The following PKD1L1 variants were observed in gnomAD, a reference collection of about 807,000 sequenced individuals.
The protein encoded by PKD1L1 is polycystin-1-like protein 1.
PKD1L1 carries 236 observed loss-of-function variants against 323.4 expected under a neutral mutation model. That is an observed-to-expected ratio of 0.73 (90% confidence interval 0.66 to 0.81). The LOEUF (loss-of-function observed/expected upper bound fraction) is 0.81, where lower values mean the gene tolerates loss of function less well. PKD1L1 is among the 40% of genes least tolerant of loss of function. The pLI, the probability that PKD1L1 is intolerant of heterozygous loss-of-function variation, is 0.00. For synonymous variants in PKD1L1, 1,344 were observed against 1,335.0 expected (o/e 1.01, Z -0.15); for missense variants, 3,320 against 3,508.0 (o/e 0.95, Z 1.35).
chr7:47,800,711 G>A lies in PKD1L1; in HGVS notation c.8131C>T (p.Arg2711Trp), dbSNP rs145005848. The A allele has an allele frequency of 1.2e-4, 188 of 1,614,174 alleles. No individual in the cohort carries two copies. In the African/African-American group the frequency reaches 1.4e-3, roughly 12 times the overall value. Residue 2711 changes from arginine to tryptophan, a missense_variant, in exon 54 of 57, where the codon CGG becomes TGG. By Grantham distance (101) the Arg-to-Trp change is moderately radical (BLOSUM62 -3). Transcript: ENST00000289672. ...ATCCCAAAGTAACAAGCCATGGCCC[G>A]CTGGTCAGACTTGGAAAGGCCAAGG... ...CLLGLSKSDQ[R>W]AMACYFGILL...
At chr7:47,795,462 C>A in intron 55 of PKD1L1, 1 of 424,396 alleles carries the variant, frequency 2.4e-6, no homozygotes, top group Non-Finnish European at 4.7e-6. Context: ...AATTAAACTT[C>A]TTTTTGTTCC....
At chr7:47,863,788 C>T (rs539390605) in intron 26 of PKD1L1, among the ~76,000 whole-genome samples, 2 of 151,990 alleles carry the variant, frequency 1.3e-5, no homozygotes, top group South Asian at 4.2e-4. Flanking sequence ...CTCAGAAGGC[C>T]GAGGTGGGAG....
chr7:47,905,748 G>A (rs1787189521), intron 10 of PKD1L1, 95 bp downstream of exon 10: 4 of 1,522,778 alleles, frequency 2.6e-6, no homozygotes, highest in African/African-American at 1.4e-5. Flanking sequence ...CAGCAGAGCC[G>A]ATAACAAAAC....
intron 26 of PKD1L1, among the ~76,000 whole-genome samples, chr7:47,862,535 GT>G (rs1393828319): frequency 1.3e-5 from 2 of 152,222 alleles, no homozygotes; most frequent in African/African-American, 4.8e-5. Context: ...CGACATTCCA[GT>G]GGGGGAAGAG....
chr7:47,832,176 G>T (rs1413523081), intron 41 of PKD1L1, among the ~76,000 whole-genome samples: 1 of 152,226 alleles, frequency 6.6e-6, no homozygotes, highest in African/African-American at 2.4e-5. Context: ...ATCAAAGAAT[G>T]TGAGCTGTGG....
chr7:47,801,813 G>C (rs1784668557), intron 53 of PKD1L1, among the ~76,000 whole-genome samples: 1 of 152,236 alleles, frequency 6.6e-6, no homozygotes, highest in Non-Finnish European at 1.5e-5. Flanking sequence ...TGATGCCTAT[G>C]CATCTATACT....
Position 47,846,875 on chromosome 7 carries a change from A to G in PKD1L1, c.5153+4T>C. 1 of 1,601,088 alleles carries G rather than the reference A, an allele frequency of 6.2e-7. No individual in the cohort carries two copies. Among genetic ancestry groups the G allele is most frequent in the Non-Finnish European group, 8.5e-7 (1 of 1,176,124 alleles). The stretch of plus-strand genomic sequence containing the variant: ...CTCAGATTCTTTCTCAAATGTGTCT[A>G]TACCTGCAGTTCACTTTTTCAGGAG... On this transcript the variant is annotated splice_donor_region_variant and intron_variant, in intron 32 of 56. Transcript: ENST00000289672.
intron 7 of PKD1L1, among the ~76,000 whole-genome samples, chr7:47,923,673 TAA>T (rs1217452503): frequency 6.6e-6 from 1 of 151,220 alleles, no homozygotes; most frequent in African/African-American, 2.4e-5. Context: ...AAATAAATAA[TAA>T]AAATAAATAA....
rs567423324 is a variant in PKD1L1, at chr7:47,809,184, T to C, written c.7686+289A>G. On this transcript the variant is annotated intron_variant, in intron 51 of 56. Coordinates refer to ENST00000289672, the MANE Select transcript of PKD1L1 (RefSeq NM_138295.5). ...CAGACATATTTAGCCTAGGCCTACA[T>C]ACAAGGTCAGAATCAAGATGTCATT... The C allele has an allele frequency of 1.3e-5, 3 of 233,576 alleles. No homozygotes were observed. The South Asian group carries it at 4.0e-4, about 31-fold the overall frequency. 14.5% of individuals were successfully genotyped at this position (233,576 alleles called of 1,614,324 possible). A position where few individuals can be genotyped will look rare whatever the true frequency, so the allele number is the denominator to read the frequency against.
chr7:47,819,195 C>CT lies in PKD1L1; in HGVS notation c.6965+1880dup, dbSNP rs1296707282. Among the ~76,000 whole-genome samples the CT allele has an allele frequency of 3.3e-5, 5 of 152,278 alleles. No individual in the cohort carries two copies. The East Asian group carries it at 7.7e-4, about 23-fold the overall frequency. On this transcript the variant is annotated intron_variant, in intron 46 of 56. Transcript: ENST00000289672. ...AACCAGGATACTTGAATATCCCTGC[C>CT]TGGTGGCCAGAGCACCCAGAGGCAG...
chr7:47,819,766 A>G (rs1785102349), intron 46 of PKD1L1: 1 of 324,202 alleles, frequency 3.1e-6, no homozygotes, highest in Non-Finnish European at 5.8e-6. Context: ...AATATCCATT[A>G]GCCATTATCT....
At chr7:47,805,999 C>T (rs1784768706) in intron 52 of PKD1L1, among the ~76,000 whole-genome samples, 1 of 152,172 alleles carries the variant, frequency 6.6e-6, no homozygotes, top group South Asian at 2.1e-4. Context: ...TAGAAAGGAT[C>T]CCCAGGGAAG....
intron 46 of PKD1L1, among the ~76,000 whole-genome samples, chr7:47,817,333 A>ATTATATATATATATATAT (rs1470531848): frequency 6.6e-6 from 1 of 152,204 alleles, no homozygotes; most frequent in African/African-American, 2.4e-5. Context: ...TCCAGTTATT[A>ATTATATATATATATATAT]ACTGTTTCCA....
intron 45 of PKD1L1, among the ~76,000 whole-genome samples, chr7:47,821,521 A>G (rs778968301): frequency 4.6e-5 from 7 of 152,082 alleles, no homozygotes; most frequent in Non-Finnish European, 1.0e-4. Context: ...CACCTGCCTC[A>G]GCCTCCCAAA....
At chr7:47,825,033 T>C (rs1583598614) in intron 45 of PKD1L1, among the ~76,000 whole-genome samples, 2 of 152,324 alleles carry the variant, frequency 1.3e-5, no homozygotes, top group East Asian at 1.9e-4. Flanking sequence ...ATAGTGGCTG[T>C]ACCATTTTGC....
rs554413210 is a variant in PKD1L1 at position 47,914,219 on chromosome 7, A to T, written c.1228+1213T>A. ...AGGCTAACTCAGATGAACATACAAA[A>T]GAAAGAAAAGACTATTTAATGAAAT... is the stretch of plus-strand genomic sequence containing the variant. On this transcript the variant is annotated intron_variant, in intron 8 of 56. Transcript: ENST00000289672. Among the ~76,000 whole-genome samples, 9 of 152,384 alleles carry T rather than the reference A, an allele frequency of 5.9e-5. No homozygotes were observed. The East Asian group carries it at 1.5e-3, about 26-fold the overall frequency.
intron 31 of PKD1L1, among the ~76,000 whole-genome samples, chr7:47,847,781 G>A (rs1056621432): frequency 6.6e-5 from 10 of 152,020 alleles, no homozygotes; most frequent in African/African-American, 2.4e-4. Context: ...AAGTACTGAG[G>A]AACACATGAA....
chr7:47,898,180 C>T lies in PKD1L1; in HGVS notation c.2079G>A (p.Gln693=). ...CAAACGTCACTCCCAGCCTCACAGG[C>T]TGAGACCTCCATATCTAAGTATCAA... ...GPGKVQIWRS[Q]PVRLGVTFEA... Residue 693 remains glutamine, a synonymous_variant, in exon 14 of 57, where the codon CAG becomes CAA. Coordinates refer to ENST00000289672, the MANE Select transcript of PKD1L1 (RefSeq NM_138295.5). 8 of 1,613,812 alleles carry T rather than the reference C, an allele frequency of 5.0e-6. No individual in the cohort carries two copies. Among genetic ancestry groups the T allele is most frequent in the Non-Finnish European group, 6.8e-6 (8 of 1,179,770 alleles).
intron 55 of PKD1L1, among the ~76,000 whole-genome samples, chr7:47,794,438 C>A (rs546577326): frequency 6.6e-6 from 1 of 152,298 alleles, no homozygotes; most frequent in East Asian, 1.9e-4. Flanking sequence ...CAAGCCTTGG[C>A]AGCTTCCATG....
Sources: gnomAD v4.1 joint callset for allele counts (sites outside exome capture counted in the v4.1 genomes callset) on GRCh38, gnomAD v4.1.1 for gene constraint, MANE v1.5 for transcripts, NCBI Gene and HGNC (gene_info 2026-07-23, HGNC 2026-07-21) for gene names.